ARHGEF3: variants seen among roughly 807,000 people sequenced by gnomAD.
The protein encoded by ARHGEF3 is Rho guanine nucleotide exchange factor 3.
In ARHGEF3, 28 loss-of-function variants were observed where a neutral mutation model predicts 63.2. That is an observed-to-expected ratio of 0.44 (90% CI 0.33 to 0.61). The LOEUF (loss-of-function observed/expected upper bound fraction) is 0.61, where lower values mean the gene tolerates loss of function less well. Among genes scored for constraint, ARHGEF3 ranks in the 20% least tolerant of loss-of-function variants. The pLI is 0.03. For synonymous variants in ARHGEF3, 266 were observed against 254.2 expected, an observed-to-expected ratio of 1.05 and a Z score of -0.44; for missense variants, 533 against 659.3, an observed-to-expected ratio of 0.81 and a Z score of 2.10.
intron 2 of ARHGEF3, chr3:57,007,302 T>C (rs1244013831): frequency 7.8e-7 from 1 of 1,289,728 alleles, no homozygotes; most frequent in Non-Finnish European, 1.0e-6. Context: ...TTCCTGCCAT[T>C]GATTGCGCTG....
chr3:56,944,896 G>T (rs1198248994), intron 3 of ARHGEF3, among the ~76,000 whole-genome samples: 2 of 152,094 alleles, frequency 1.3e-5, no homozygotes, highest in Non-Finnish European at 2.9e-5. Flanking sequence ...AGTTTCTTGA[G>T]ATAGAATCTA....
At chr3:56,865,005 T>TA (rs1326933074) in intron 4 of ARHGEF3, among the ~76,000 whole-genome samples, 1 of 152,180 alleles carries the variant, frequency 6.6e-6, no homozygotes, top group Non-Finnish European at 1.5e-5. Flanking sequence ...GGGAGCCCAT[T>TA]AATCATTCCC....
chr3:57,051,874 G>T (rs1704684068), intron 1 of ARHGEF3, among the ~76,000 whole-genome samples: 1 of 152,130 alleles, frequency 6.6e-6, no homozygotes, highest in Admixed American at 6.5e-5. Context: ...TGAGACAGGA[G>T]AATCGCTTGA....
Position 56,741,184 on chromosome 3 carries a change from C to CTTT in ARHGEF3, c.871-3832_871-3830dup, listed in dbSNP as rs10662620. 4.6e-3 allele frequency among the ~76,000 whole-genome samples: 587 copies of CTTT among 128,838 alleles called. 9 individuals carry two copies. The highest frequency in any genetic ancestry group is 7.9e-3 in the Middle Eastern group (2 of 252). 84.5% of individuals were successfully genotyped at this position (128,838 alleles called of 152,430 possible). A position where few individuals can be genotyped will look rare whatever the true frequency, so the allele number is the denominator to read the frequency against. Reference sequence around the variant, plus strand: ...AGAATCTTATCTCTCTGCTTTGGTTCTTTTTTTTTTTTTTTTTGGAGACTG... The same window carrying CTTT: ...AGAATCTTATCTCTCTGCTTTGGTTCTTTTTTTTTTTTTTTTTTTTGGAGACTG... On this transcript the variant is annotated intron_variant, in intron 7 of 9. Transcript: ENST00000296315.
At chr3:56,731,564 C>T (rs890415018) in intron 9 of ARHGEF3, 1 of 136,640 alleles carries the variant, frequency 7.3e-6, no homozygotes, top group African/African-American at 2.8e-5. Flanking sequence ...AAACAGACCT[C>T]CTATTGCTAT....
intron 1 of ARHGEF3, among the ~76,000 whole-genome samples, chr3:57,069,265 T>C (rs1285009228): frequency 2.6e-5 from 4 of 152,130 alleles, no homozygotes; most frequent in Admixed American, 6.6e-5. Flanking sequence ...TTCTATTGCA[T>C]GTAAGTTTCT....
chr3:57,076,859 C>A (rs1706244313), intron 1 of ARHGEF3: 2 of 152,176 alleles, frequency 1.3e-5, no homozygotes, highest in African/African-American at 4.8e-5. Flanking sequence ...CCTCTTGAAT[C>A]CTACATTCTC....
intron 3 of ARHGEF3, among the ~76,000 whole-genome samples, chr3:56,892,088 C>A (rs566879605): frequency 1.2e-4 from 19 of 152,254 alleles, no homozygotes; most frequent in Non-Finnish European, 2.4e-4. Context: ...GTGCCACCAC[C>A]AACCCTGATG....
At chr3:57,064,602 C>T (rs1705423113) in intron 1 of ARHGEF3, among the ~76,000 whole-genome samples, 2 of 152,194 alleles carry the variant, frequency 1.3e-5, no homozygotes, top group African/African-American at 4.8e-5. Flanking sequence ...GCCACCATAC[C>T]CAGCCCAAAG....
intron 2 of ARHGEF3, among the ~76,000 whole-genome samples, chr3:57,026,852 C>T (rs572435358): frequency 1.3e-5 from 2 of 152,320 alleles, no homozygotes; most frequent in Non-Finnish European, 2.9e-5. Flanking sequence ...TTATTGTCTC[C>T]TATCACTATA....
At chr3:56,994,608 T>TACC (rs769333958) in intron 2 of ARHGEF3, among the ~76,000 whole-genome samples, 3 of 151,730 alleles carry the variant, frequency 2.0e-5, no homozygotes, top group Non-Finnish European at 4.4e-5. Context: ...ATTTTTCCAT[T>TACC]ACCATATGCC....
chr3:56,913,375 T>A (rs931012811), intron 3 of ARHGEF3, among the ~76,000 whole-genome samples: 1 of 152,046 alleles, frequency 6.6e-6, no homozygotes, highest in African/African-American at 2.4e-5. Context: ...AAAGAAGACA[T>A]ACAAATGGCC....
At chr3:57,074,145 A>G (rs968077802) in intron 1 of ARHGEF3, 1 of 1,614,172 alleles carries the variant, frequency 6.2e-7, no homozygotes, top group Non-Finnish European at 8.5e-7. Context: ...GTGTGAGGAT[A>G]TAGATGCCGA....
chr3:56,764,428 C>G (rs963712372), intron 2 of ARHGEF3, among the ~76,000 whole-genome samples: 5 of 152,126 alleles, frequency 3.3e-5, no homozygotes, highest in African/African-American at 4.8e-5. Context: ...AGTCTGGTGA[C>G]TATTTTTAAA....
At chr3:56,862,740 G>A (rs1231799095) in intron 4 of ARHGEF3, among the ~76,000 whole-genome samples, 1 of 152,100 alleles carries the variant, frequency 6.6e-6, no homozygotes, top group Non-Finnish European at 1.5e-5. Context: ...AATGTTTGTG[G>A]TTGCAGCTGA....
At chr3:56,818,589 T>C (rs2038354395) in intron 4 of ARHGEF3, among the ~76,000 whole-genome samples, 1 of 152,202 alleles carries the variant, frequency 6.6e-6, no homozygotes, top group Non-Finnish European at 1.5e-5. Flanking sequence ...ATCTCAAAAA[T>C]GCTAACAATT....
chr3:56,755,325 T>C (rs750651260), intron 2 of ARHGEF3, among the ~76,000 whole-genome samples, 174 bp from the exon 3 acceptor site: 37 of 152,048 alleles, frequency 2.4e-4, no homozygotes, highest in Non-Finnish European at 3.4e-4. Flanking sequence ...CTAAGGAAAA[T>C]TGGACAGGGG....
At chr3:57,075,251 C>T (rs1471236775) in intron 1 of ARHGEF3, 1 of 167,136 alleles carries the variant, frequency 6.0e-6, no homozygotes. Flanking sequence ...ACTGGCCACT[C>T]TCCCTCACAT....
intron 2 of ARHGEF3, among the ~76,000 whole-genome samples, chr3:57,006,404 C>T (rs1367689168): frequency 6.6e-6 from 1 of 152,148 alleles, no homozygotes; most frequent in African/African-American, 2.4e-5. Flanking sequence ...CTCAAAGAAA[C>T]CCCACACCTT....
Sources: gnomAD v4.1 joint callset for allele counts (sites outside exome capture counted in the v4.1 genomes callset) on GRCh38, gnomAD v4.1.1 for gene constraint, MANE v1.5 for transcripts, NCBI Gene and HGNC (gene_info 2026-07-23, HGNC 2026-07-21) for gene names.